KCNIP4: variants seen among roughly 807,000 people sequenced by gnomAD.
KCNIP4 encodes potassium voltage-gated channel interacting protein 4.
KCNIP4 carries 12 observed loss-of-function variants against 34.0 expected under a neutral mutation model. That is an observed-to-expected ratio of 0.35 (90% CI 0.23 to 0.57). The LOEUF (loss-of-function observed/expected upper bound fraction) is 0.57, where lower values mean the gene tolerates loss of function less well. Ranked by LOEUF, KCNIP4 falls within the 20% of genes least tolerant of loss-of-function variation. The probability of loss-of-function intolerance (pLI) is 0.83; values close to 1 mark genes in which losing one functional copy is unlikely to be tolerated. For synonymous variants in KCNIP4, 124 were observed against 102.2 expected (o/e 1.21, Z -1.29); for missense variants, 238 against 311.7 (o/e 0.76, Z 1.78).
intron 1 of KCNIP4, among the ~76,000 whole-genome samples, chr4:21,437,641 G>A (rs1277704675): frequency 1.3e-5 from 2 of 152,184 alleles, no homozygotes; most frequent in African/African-American, 4.8e-5. Context: ...GGTTTTCAGA[G>A]AGAGTAAATT....
At chr4:21,509,904 G>A (rs1734162595) in intron 1 of KCNIP4, among the ~76,000 whole-genome samples, 2 of 151,944 alleles carry the variant, frequency 1.3e-5, no homozygotes, top group Non-Finnish European at 1.5e-5. Flanking sequence ...GATCACTTGA[G>A]GTCAGGAGTT....
chr4:21,452,837 ATACT>A (rs1221179979), intron 1 of KCNIP4, among the ~76,000 whole-genome samples: 1 of 144,410 alleles, frequency 6.9e-6, no homozygotes, highest in Non-Finnish European at 1.5e-5. Context: ...GTCCTTCATA[ATACT>A]TAATACCATG....
At chr4:21,907,942 C>A (rs185164639) in intron 1 of KCNIP4, among the ~76,000 whole-genome samples, 2 of 151,974 alleles carry the variant, frequency 1.3e-5, no homozygotes, top group African/African-American at 2.4e-5. Context: ...GTTGAAGAAT[C>A]GGCAAAAACA....
At chr4:20,743,234 A>G (rs936574296) in intron 5 of KCNIP4, among the ~76,000 whole-genome samples, 6 of 152,162 alleles carry the variant, frequency 3.9e-5, no homozygotes, top group Non-Finnish European at 2.9e-5. Context: ...CCATCAAGCT[A>G]CCAATGACTT....
At chr4:20,786,916 G>C (rs1712078113) in intron 3 of KCNIP4, among the ~76,000 whole-genome samples, 1 of 152,080 alleles carries the variant, frequency 6.6e-6, no homozygotes, top group Non-Finnish European at 1.5e-5. Context: ...CGTAAGACGG[G>C]CCCGATAAAG....
At chr4:21,829,191 T>A (rs1722837171) in intron 1 of KCNIP4, among the ~76,000 whole-genome samples, 1 of 152,000 alleles carries the variant, frequency 6.6e-6, no homozygotes, top group Non-Finnish European at 1.5e-5. Flanking sequence ...ATAGAAACCA[T>A]AACCCCATCA....
intron 1 of KCNIP4, among the ~76,000 whole-genome samples, chr4:21,897,205 G>A (rs1373544430): frequency 2.0e-5 from 3 of 152,076 alleles, no homozygotes; most frequent in East Asian, 1.9e-4. Flanking sequence ...CTCAAGAAAC[G>A]ATAGTAAAGG....
chr4:21,712,421 C>T (rs1374916412), intron 1 of KCNIP4, among the ~76,000 whole-genome samples: 2 of 152,162 alleles, frequency 1.3e-5, no homozygotes, highest in Non-Finnish European at 2.9e-5. Flanking sequence ...ACCTCCTTCC[C>T]ATCTTTTACT....
intron 1 of KCNIP4, among the ~76,000 whole-genome samples, chr4:21,503,634 A>AG (rs1177846852): frequency 2.6e-5 from 4 of 152,180 alleles, no homozygotes; most frequent in Non-Finnish European, 5.9e-5. Context: ...TGAAATGTCT[A>AG]TATGGAAGAA....
At position 20,979,659 on chromosome 4, in the gene KCNIP4, A is replaced by G. The variant is rs1376635940; in HGVS notation, c.62-96950T>C. Among the ~76,000 whole-genome samples, 4 of 151,736 alleles carry G rather than the reference A, an allele frequency of 2.6e-5. No homozygotes were observed. The South Asian group carries it at 6.2e-4, about 24-fold the overall frequency. On this transcript the variant is annotated intron_variant, in intron 1 of 8. Coordinates refer to ENST00000382152, the MANE Select transcript of KCNIP4 (RefSeq NM_025221.6). Reference sequence around the variant, plus strand: ...GTGATCCACCCGCCTCGGCCTCCCAAAGTGCTGGGATTACAGGTGTGAGCC... The same window carrying G: ...GTGATCCACCCGCCTCGGCCTCCCAGAGTGCTGGGATTACAGGTGTGAGCC...
At chr4:21,356,286 T>C (rs886216505) in intron 1 of KCNIP4, among the ~76,000 whole-genome samples, 1 of 152,100 alleles carries the variant, frequency 6.6e-6, no homozygotes, top group Middle Eastern at 3.2e-3. Context: ...TCTCTCACCA[T>C]TCCTATTCAA....
intron 3 of KCNIP4, among the ~76,000 whole-genome samples, chr4:20,840,141 C>G (rs1421752473): frequency 1.3e-5 from 2 of 152,130 alleles, no homozygotes; most frequent in Non-Finnish European, 2.9e-5. Flanking sequence ...TAAATGCTAT[C>G]ACAATGACTC....
intron 1 of KCNIP4, among the ~76,000 whole-genome samples, chr4:21,405,821 A>G (rs1216191433): frequency 6.6e-6 from 1 of 152,102 alleles, no homozygotes; most frequent in African/African-American, 2.4e-5. Flanking sequence ...GTGGCCTGTC[A>G]TCTTTTATTT....
At chr4:21,650,842 C>T (rs532888227) in intron 1 of KCNIP4, among the ~76,000 whole-genome samples, 20 of 152,244 alleles carry the variant, frequency 1.3e-4, no homozygotes, top group Middle Eastern at 6.8e-3. Flanking sequence ...GAAAAGCTCT[C>T]GTGGTTGTAG....
rs183832780 is a variant in KCNIP4, at chr4:21,834,277, G to A, written c.61+114294C>T. ...TCCTCTTTTATTTCCTTGAGCAGTCGTCTGTAGTTCTCCTTGAAGAGGTCC... is the reference window on the plus strand; with the variant it reads ...TCCTCTTTTATTTCCTTGAGCAGTCATCTGTAGTTCTCCTTGAAGAGGTCC... On this transcript the variant is annotated intron_variant, in intron 1 of 8. Transcript: ENST00000382152. 1.3e-3 allele frequency among the ~76,000 whole-genome samples: 195 copies of A among 152,208 alleles called. 2 individuals carry two copies. The highest frequency in any genetic ancestry group is 3.6e-3 in the African/African-American group (150 of 41,532).
intron 1 of KCNIP4, among the ~76,000 whole-genome samples, chr4:21,257,705 A>G (rs1040786345): frequency 6.6e-6 from 1 of 151,556 alleles, no homozygotes; most frequent in Non-Finnish European, 1.5e-5. Flanking sequence ...AGCCGAGATC[A>G]TGCCATTGTA....
chr4:21,030,769 T>C (rs1740957922), intron 1 of KCNIP4, among the ~76,000 whole-genome samples: 2 of 152,118 alleles, frequency 1.3e-5, no homozygotes, highest in African/African-American at 2.4e-5. Flanking sequence ...AAGTGTATAG[T>C]TCATAATCAG....
chr4:21,767,387 T>C (rs1358331143), intron 1 of KCNIP4, among the ~76,000 whole-genome samples: 1 of 151,794 alleles, frequency 6.6e-6, no homozygotes, highest in African/African-American at 2.4e-5. Context: ...GAAACTTGAC[T>C]CAGGGATGTG....
At chr4:21,340,244 C>T (rs1456831608) in intron 1 of KCNIP4, among the ~76,000 whole-genome samples, 1 of 106,644 alleles carries the variant, frequency 9.4e-6, no homozygotes, top group Admixed American at 1.0e-4. Context: ...TCTCCTAAAG[C>T]TTTCCAAGAT....
Sources: gnomAD v4.1 joint callset for allele counts (sites outside exome capture counted in the v4.1 genomes callset) on GRCh38, gnomAD v4.1.1 for gene constraint, MANE v1.5 for transcripts, NCBI Gene and HGNC (gene_info 2026-07-23, HGNC 2026-07-21) for gene names.